NEK3: variants seen among roughly 807,000 people sequenced by gnomAD.
NEK3 encodes serine/threonine-protein kinase Nek3.
In NEK3, 54 loss-of-function variants were observed where a neutral mutation model predicts 66.0. That is an observed-to-expected ratio of 0.82 (90% CI 0.66 to 1.03). The LOEUF (loss-of-function observed/expected upper bound fraction) is 1.03. Ranked by LOEUF, NEK3 falls within the 50% of genes least tolerant of loss-of-function variation. NEK3 has a pLI of 0.00. For synonymous variants in NEK3, 200 were observed against 206.2 expected (o/e 0.97, Z 0.26); for missense variants, 593 against 603.0 (o/e 0.98, Z 0.17).
intron 7 of NEK3, among the ~76,000 whole-genome samples, chr13:52,149,868 CAAAA>C (rs76728379): frequency 4.8e-5 from 6 of 125,966 alleles, no homozygotes; most frequent in Admixed American, 7.7e-5. Flanking sequence ...GACTCTGTCT[CAAAA>C]AAAAAAAAAA....
intron 8 of NEK3, chr13:52,148,104 G>T: frequency 4.3e-6 from 1 of 230,030 alleles, no homozygotes; most frequent in Non-Finnish European, 8.4e-6. Flanking sequence ...ACTTAAAAAT[G>T]GATAAAATGG....
intron 12 of NEK3, 107 bp downstream of exon 12, chr13:52,136,693 C>A: frequency 1.6e-6 from 1 of 610,334 alleles, no homozygotes; most frequent in Non-Finnish European, 2.7e-6. Context: ...GATAAGCAAA[C>A]AAATATCAGC....
Position 52,136,661 on chromosome 13 carries a change from T to C in NEK3, c.1030+139A>G. 4 of 557,750 alleles carry C rather than the reference T, an allele frequency of 7.2e-6. No individual in the cohort carries two copies. The Admixed American group carries it at 1.4e-4, about 19-fold the overall frequency. 34.6% of individuals were successfully genotyped at this position (557,750 alleles called of 1,614,324 possible). ...TTGTTGTAGGTAAATAAAATATTCCTAAAACATTAAATAAGTTACTAGATA... is the reference window on the plus strand; with the variant it reads ...TTGTTGTAGGTAAATAAAATATTCCCAAAACATTAAATAAGTTACTAGATA... On this transcript the variant is annotated intron_variant, in intron 12 of 15. Transcript: ENST00000610828.
chr13:52,150,771 C>G (rs548380993), intron 7 of NEK3, among the ~76,000 whole-genome samples: 2 of 152,248 alleles, frequency 1.3e-5, no homozygotes, highest in African/African-American at 4.8e-5. Flanking sequence ...CTGATGCCTG[C>G]TTCTCACCCT....
upstream of NEK3, chr13:52,159,614 G>A (rs1956428000): frequency 6.6e-6 from 1 of 152,400 alleles, no homozygotes; most frequent in South Asian, 2.1e-4. Flanking sequence ...GGCCCGGCGG[G>A]TCGTCTCTCG....
chr13:52,134,539 A>C (rs150451156), intron 14 of NEK3, among the ~76,000 whole-genome samples: 2 of 152,322 alleles, frequency 1.3e-5, no homozygotes, highest in East Asian at 3.9e-4. Flanking sequence ...TGCTTAAAAA[A>C]ATTTTCCAGG....
intron 9 of NEK3, 59 bp from the exon 10 acceptor site, chr13:52,144,046 C>T (rs774450727): frequency 3.4e-6 from 3 of 893,436 alleles, no homozygotes; most frequent in Non-Finnish European, 5.1e-6. Context: ...TAGATACTGC[C>T]GTGATGTCAT....
At chr13:52,152,758 C>T (rs1360966897) in intron 4 of NEK3, 66 bp from the exon 5 acceptor site, 1 of 1,024,778 alleles carries the variant, frequency 9.8e-7, no homozygotes, top group Non-Finnish European at 1.5e-6. Context: ...CCTACAATTC[C>T]AAAGAATCAT....
chr13:52,147,645 T>C (rs913345270), intron 8 of NEK3, among the ~76,000 whole-genome samples: 1 of 151,536 alleles, frequency 6.6e-6, no homozygotes, highest in African/African-American at 2.4e-5. Context: ...GGGTACAGAG[T>C]TTCTGGTTGG....
At chr13:52,144,133 G>A (rs1956273814) in intron 9 of NEK3, 146 bp from the exon 10 acceptor site, 1 of 564,532 alleles carries the variant, frequency 1.8e-6, no homozygotes. Flanking sequence ...GTACATACAG[G>A]CCGGGCATGG....
At chr13:52,133,937 T>G in intron 14 of NEK3, 122 bp from the exon 15 acceptor site, 1 of 975,636 alleles carries the variant, frequency 1.0e-6, no homozygotes, top group Non-Finnish European at 1.5e-6. Context: ...ATAACTCTTT[T>G]GTAGTGTCTC....
At chr13:52,154,395 C>CT (rs1430001802) in intron 2 of NEK3, among the ~76,000 whole-genome samples, 1 of 151,938 alleles carries the variant, frequency 6.6e-6, no homozygotes, top group African/African-American at 2.4e-5. Flanking sequence ...TTTTTATTTT[C>CT]TTTTTTCATT....
At chr13:52,138,953 A>G (rs920853103) in intron 11 of NEK3, among the ~76,000 whole-genome samples, 1 of 152,130 alleles carries the variant, frequency 6.6e-6, no homozygotes, top group Admixed American at 6.5e-5. Context: ...AAAGAAAGAA[A>G]GGTTGACTGA....
intron 1 of NEK3, among the ~76,000 whole-genome samples, chr13:52,158,740 T>G (rs1449742861): frequency 1.3e-5 from 2 of 152,228 alleles, no homozygotes; most frequent in Non-Finnish European, 2.9e-5. Context: ...ATAAAGTGAT[T>G]TGCAAATACC....
intron 11 of NEK3, among the ~76,000 whole-genome samples, chr13:52,138,124 C>T (rs1387325133): frequency 1.3e-5 from 2 of 152,236 alleles, no homozygotes; most frequent in South Asian, 2.1e-4. Context: ...CAGGCTCAGG[C>T]GATCCTCCCG....
intron 8 of NEK3, among the ~76,000 whole-genome samples, chr13:52,145,130 C>G (rs550939818): frequency 3.9e-5 from 6 of 152,260 alleles, no homozygotes; most frequent in African/African-American, 1.4e-4. Flanking sequence ...CCTGCTGTGA[C>G]TACCTTATTA....
chr13:52,149,322 T>TAGTTGG (rs1956319822), intron 7 of NEK3, among the ~76,000 whole-genome samples: 2 of 152,116 alleles, frequency 1.3e-5, no homozygotes, highest in Admixed American at 6.6e-5. Context: ...GCAATCCTCC[T>TAGTTGG]GCCTCAGCCT....
At chr13:52,134,584 A>G (rs1289911986) in intron 14 of NEK3, among the ~76,000 whole-genome samples, 1 of 152,248 alleles carries the variant, frequency 6.6e-6, no homozygotes, top group Non-Finnish European at 1.5e-5. Context: ...AAACAGCATG[A>G]AAACCTAACC....
intron 13 of NEK3, 46 bp downstream of exon 13, chr13:52,136,070 G>A (rs1419370809): frequency 1.9e-6 from 3 of 1,606,342 alleles, no homozygotes; most frequent in Middle Eastern, 3.3e-4. Context: ...GTAACTATTA[G>A]AAAAAGTTCT....
Sources: gnomAD v4.1 joint callset for allele counts (sites outside exome capture counted in the v4.1 genomes callset) on GRCh38, gnomAD v4.1.1 for gene constraint, MANE v1.5 for transcripts, NCBI Gene and HGNC (gene_info 2026-07-23, HGNC 2026-07-21) for gene names.